Variants in ATP5PO observed in about 807,000 individuals in gnomAD.
ATP5PO encodes ATP synthase peripheral stalk subunit OSCP, mitochondrial.
A neutral mutation model predicts 26.2 loss-of-function variants in ATP5PO; 14 were observed. The ratio of observed to expected loss-of-function variants is 0.53; its 90% CI spans 0.35 to 0.83. ATP5PO has a LOEUF of 0.83. Ranked by LOEUF, ATP5PO falls within the 40% of genes least tolerant of loss-of-function variation. ATP5PO has a pLI of 0.01. For missense variants in ATP5PO, 241 were observed against 258.5 expected, an observed-to-expected ratio of 0.93 and a Z score of 0.46; for synonymous variants, 106 against 95.1, an observed-to-expected ratio of 1.12 and a Z score of -0.67.
chr21:33,906,893 A>G (rs1987180445), intron 5 of ATP5PO: 2 of 401,958 alleles, frequency 5.0e-6, no homozygotes, highest in Admixed American at 2.7e-5. Flanking sequence ...CAGGAAGCTG[A>G]GGCAGGAGGA....
intron 3 of ATP5PO, among the ~76,000 whole-genome samples, chr21:33,911,662 G>GTTTTTTTTTTTTTTTTTTT (rs58774588): frequency 1.1e-5 from 1 of 92,080 alleles, no homozygotes; most frequent in Non-Finnish European, 2.0e-5. Context: ...ATAAGCATAG[G>GTTTTTTTTTTTTTTTTTTT]TTTTTTTTTT....
intron 4 of ATP5PO, 59 bp from the exon 5 acceptor site, chr21:33,907,512 G>T: frequency 6.9e-7 from 1 of 1,439,796 alleles, no homozygotes; most frequent in Non-Finnish European, 9.8e-7. Context: ...TATTCATGAA[G>T]TTGTATACTC....
At chr21:33,910,616 A>G (rs1028951926) in intron 3 of ATP5PO, among the ~76,000 whole-genome samples, 1 of 152,180 alleles carries the variant, frequency 6.6e-6, no homozygotes, top group Non-Finnish European at 1.5e-5. Context: ...TCCGTTTAAA[A>G]TGGGCATAAC....
chr21:33,909,295 T>C, intron 3 of ATP5PO, 84 bp from the exon 4 acceptor site: 7 of 1,463,582 alleles, frequency 4.8e-6, no homozygotes, highest in Non-Finnish European at 5.6e-6. Flanking sequence ...TTCTTTCTTT[T>C]TTGGAGACAA....
intron 3 of ATP5PO, among the ~76,000 whole-genome samples, chr21:33,911,662 G>GTTTTTTTTTTTTTTTTTTTTTTT (rs58774588): frequency 3.3e-5 from 3 of 92,082 alleles, no homozygotes; most frequent in African/African-American, 4.1e-5. Context: ...ATAAGCATAG[G>GTTTTTTTTTTTTTTTTTTTTTTT]TTTTTTTTTT....
chr21:33,907,938 G>A (rs143176364), intron 4 of ATP5PO, among the ~76,000 whole-genome samples: 138 of 152,176 alleles, frequency 9.1e-4, no homozygotes, highest in African/African-American at 3.0e-3. Context: ...GACAGCTTGC[G>A]TCCAGGAGTA....
intron 4 of ATP5PO, 176 bp downstream of exon 4, chr21:33,908,906 C>T (rs1368109969): frequency 3.3e-5 from 21 of 638,456 alleles, no homozygotes; most frequent in South Asian, 1.7e-4. Context: ...AATGTGCAAA[C>T]GATTCACTTA....
intron 5 of ATP5PO, among the ~76,000 whole-genome samples, chr21:33,905,918 G>GAAAAAAATAAAAAAAAAA (rs1357291898): frequency 1.0e-5 from 1 of 98,436 alleles, no homozygotes; most frequent in Non-Finnish European, 1.9e-5. Context: ...TCTCAAAAAA[G>GAAAAAAATAAAAAAAAAA]AAAAAAAAAA....
chr21:33,913,624 G>GTAA (rs1569367922), intron 2 of ATP5PO, among the ~76,000 whole-genome samples: 1 of 152,114 alleles, frequency 6.6e-6, no homozygotes, highest in Non-Finnish European at 1.5e-5. Context: ...TTTATCCGGG[G>GTAA]TCAACTGGAT....
intron 6 of ATP5PO, 85 bp from the exon 7 acceptor site, chr21:33,903,724 T>C: frequency 7.1e-7 from 1 of 1,416,764 alleles, no homozygotes; most frequent in South Asian, 1.2e-5. Flanking sequence ...CTAAATGTGT[T>C]GCACAAATGT....
Position 33,915,603 on chromosome 21 carries a change from G to A in ATP5PO, c.36+125C>T, listed in dbSNP as rs1569368450. The A allele has an allele frequency of 2.9e-6, 4 of 1,401,902 alleles. No individual in the cohort carries two copies. In the East Asian group the frequency reaches 1.1e-4, roughly 37 times the overall value. The allele number at this position is 1,401,902 out of a possible 1,614,324, so 86.8% of individuals were successfully genotyped here. The stretch of plus-strand genomic sequence containing the variant: ...GTCCTGAGTCGCTCCCACTCGCCAG[G>A]TCCCATAACCTTGAAGACTGCCAGA... On this transcript the variant is annotated intron_variant, in intron 1 of 6. Coordinates refer to ENST00000290299, the MANE Select transcript of ATP5PO (RefSeq NM_001697.3).
rs147504670 is a variant in ATP5PO at position 33,909,096 on chromosome 21, G to A, written c.314C>T (p.Thr105Ile). 199 of 1,611,182 alleles carry A rather than the reference G, an allele frequency of 1.2e-4. 1 individual carries two copies. Among genetic ancestry groups the A allele is most frequent in the Non-Finnish European group, 1.6e-4 (186 of 1,177,720 alleles). The change falls in exon 4 of 7, where the codon ACT becomes ATT. Residue 105 changes from threonine (T) to isoleucine (I), a missense_variant. This residue lies in a region of ATP5PO where 39 missense variants were observed against 75.5 expected (regional missense o/e 0.52). Transcript: ENST00000290299. ...ITAKERFSPL[T>I]TNLINLLAEN... ...CTAATACTCACTGATCAGATTGGTA[G>A]TGAGGGGAGAGAACCTCTCTTTTGC...
At chr21:33,913,115 G>A (rs1987270453) in intron 2 of ATP5PO, among the ~76,000 whole-genome samples, 1 of 152,152 alleles carries the variant, frequency 6.6e-6, no homozygotes, top group African/African-American at 2.4e-5. Flanking sequence ...TTTTCCCAGG[G>A]CCTCAGTTTC....
Position 33,903,594 on chromosome 21 carries a change from T to C in ATP5PO, c.574A>G (p.Lys192Glu), listed in dbSNP as rs1987129634. 1.2e-6 allele frequency: 2 copies of C among 1,614,166 alleles called. No individual in the cohort carries two copies. Among genetic ancestry groups the C allele is most frequent in the African/African-American group, 2.7e-5 (2 of 75,042 alleles). The change falls in exon 7 of 7, where the codon AAA becomes GAA. Residue 192 changes from lysine (K) to glutamate (E), a missense_variant. Transcript: ENST00000290299. Reference sequence around the variant, plus strand: ...GTCTTGACAGACATGTCAACATATTTCTCGCCAATGCGCACAATCATTCCA... The same window carrying C: ...GTCTTGACAGACATGTCAACATATTCCTCGCCAATGCGCACAATCATTCCA... Reference protein sequence around the residue: ...LGGMIVRIGEKYVDMSVKTKI... With the variant: ...LGGMIVRIGEEYVDMSVKTKI...
At chr21:33,909,271 T>G in intron 3 of ATP5PO, 60 bp from the exon 4 acceptor site, 1 of 1,538,398 alleles carries the variant, frequency 6.5e-7, no homozygotes, top group Non-Finnish European at 8.9e-7. Flanking sequence ...GGATGTGCCA[T>G]GCACACACTT....
Position 33,914,563 on chromosome 21 carries a change from CA to C in ATP5PO, c.37-64del. Reference sequence around the variant, plus strand: ...ACTTGAAGGATTTCTGCATTTAACTCAATAACAACAAAAAATTTTAAATAAC... The same window carrying C: ...ACTTGAAGGATTTCTGCATTTAACTCATAACAACAAAAAATTTTAAATAAC... On this transcript the variant is annotated intron_variant, in intron 1 of 6. Transcript: ENST00000290299. The C allele has an allele frequency of 1.5e-5, 22 of 1,467,628 alleles. No homozygotes were observed. The South Asian group carries it at 2.6e-4, about 18-fold the overall frequency. The allele number at this position is 1,467,628 out of a possible 1,614,324, so 90.9% of individuals were successfully genotyped here.
At chr21:33,909,271 T>A in intron 3 of ATP5PO, 60 bp from the exon 4 acceptor site, 1 of 1,538,398 alleles carries the variant, frequency 6.5e-7, no homozygotes, top group South Asian at 1.2e-5. Flanking sequence ...GGATGTGCCA[T>A]GCACACACTT....
intron 1 of ATP5PO, 178 bp downstream of exon 1, chr21:33,915,550 A>G (rs1436070815): frequency 1.3e-5 from 12 of 927,724 alleles, no homozygotes; most frequent in Non-Finnish European, 1.9e-5. Context: ...ACTGCCCCGT[A>G]GGCATCCCGG....
At chr21:33,914,322 T>C (rs1987286133) in intron 2 of ATP5PO, 128 bp downstream of exon 2, 1 of 851,266 alleles carries the variant, frequency 1.2e-6, no homozygotes, top group Non-Finnish European at 1.9e-6. Flanking sequence ...ACAGCACATT[T>C]TGGGAACCAC....
Sources: gnomAD v4.1 joint callset for allele counts (sites outside exome capture counted in the v4.1 genomes callset) on GRCh38, gnomAD v4.1.1 for gene constraint, gnomAD v4.1.1 regional missense constraint, MANE v1.5 for transcripts, NCBI Gene and HGNC (gene_info 2026-07-23, HGNC 2026-07-21) for gene names.